The following EDIL3 variants were observed in gnomAD, a reference collection of about 807,000 sequenced individuals.
The protein encoded by EDIL3 is EGF like and discoidin domains 3, also known as EGF-like repeat and discoidin I-like domain-containing protein 3.
Under a neutral mutation model 67.4 loss-of-function variants are expected in EDIL3, and 37 were observed. That is an observed-to-expected ratio of 0.55 (90% CI 0.42 to 0.72). The LOEUF is 0.72. EDIL3 is among the 30% of genes least tolerant of loss of function. EDIL3 has a pLI of 0.00. For missense variants in EDIL3, 527 were observed against 586.3 expected, an observed-to-expected ratio of 0.90 and a Z score of 1.04; for synonymous variants, 195 against 196.3, an observed-to-expected ratio of 0.99 and a Z score of 0.05.
chr5:84,126,176 A>G (rs762777941), intron 5 of EDIL3, among the ~76,000 whole-genome samples: 1 of 152,078 alleles, frequency 6.6e-6, no homozygotes, highest in Non-Finnish European at 1.5e-5. Flanking sequence ...TTTTACTTAC[A>G]TGTTTTTATA....
chr5:84,199,390 G>A (rs988358922), intron 3 of EDIL3, among the ~76,000 whole-genome samples: 4 of 151,976 alleles, frequency 2.6e-5, no homozygotes, highest in African/African-American at 9.7e-5. Context: ...CCCAAAGTGA[G>A]CACCTTCTGG....
At chr5:84,174,798 T>A (rs1482361132) in intron 4 of EDIL3, among the ~76,000 whole-genome samples, 3 of 152,166 alleles carry the variant, frequency 2.0e-5, no homozygotes. Flanking sequence ...GGAAGAACAA[T>A]CTTTGCAGAG....
At chr5:84,003,937 G>A (rs1459616643) in intron 9 of EDIL3, among the ~76,000 whole-genome samples, 1 of 151,370 alleles carries the variant, frequency 6.6e-6, no homozygotes, top group African/African-American at 2.4e-5. Context: ...CATCTCACAT[G>A]CAATGAGAGA....
intron 1 of EDIL3, among the ~76,000 whole-genome samples, chr5:84,345,897 A>G: frequency 6.6e-6 from 1 of 152,110 alleles, no homozygotes; most frequent in Non-Finnish European, 1.5e-5. Context: ...CATATGGGAG[A>G]CTCTCACTCA....
chr5:84,135,578 G>C (rs753912723), intron 5 of EDIL3, among the ~76,000 whole-genome samples: 1 of 152,206 alleles, frequency 6.6e-6, no homozygotes, highest in African/African-American at 2.4e-5. Context: ...AACAGAAATG[G>C]ATGCAAGTGC....
At chr5:84,197,836 C>T (rs779133709) in intron 3 of EDIL3, among the ~76,000 whole-genome samples, 1 of 151,978 alleles carries the variant, frequency 6.6e-6, no homozygotes, top group East Asian at 1.9e-4. Context: ...AGAAGTTACA[C>T]TTTATGATAA....
chr5:84,075,551 C>T (rs1177506165), intron 6 of EDIL3, among the ~76,000 whole-genome samples: 2 of 152,020 alleles, frequency 1.3e-5, no homozygotes, highest in East Asian at 3.9e-4. Context: ...TCTCAGCTCA[C>T]TGCAAACTCC....
At chr5:84,314,536 G>T (rs1346372302) in intron 1 of EDIL3, among the ~76,000 whole-genome samples, 1 of 152,116 alleles carries the variant, frequency 6.6e-6, no homozygotes, top group African/African-American at 2.4e-5. Context: ...TAAGTTAAAA[G>T]GTTTCCTAGA....
chr5:83,998,435 G>A (rs1382372662), intron 9 of EDIL3, among the ~76,000 whole-genome samples: 1 of 152,136 alleles, frequency 6.6e-6, no homozygotes, highest in Non-Finnish European at 1.5e-5. Context: ...ATATCAGCAG[G>A]AGACAGGCAG....
intron 9 of EDIL3, among the ~76,000 whole-genome samples, chr5:84,056,353 G>T (rs1746447197): frequency 6.6e-6 from 1 of 152,020 alleles, no homozygotes; most frequent in Non-Finnish European, 1.5e-5. Context: ...TATACCATTA[G>T]GAGACATACC....
rs952200828 is a variant in EDIL3, at chr5:84,384,606, G to A, written c.-232C>T. ...TGCGCTCCGGCGCGCGGAGGTGGGTGAGCTCCGGGGAGCCGCCGGCGGGCT... is the reference window on the plus strand; with the variant it reads ...TGCGCTCCGGCGCGCGGAGGTGGGTAAGCTCCGGGGAGCCGCCGGCGGGCT... On this transcript the variant is annotated 5_prime_UTR_variant, in exon 1 of 11. Transcript: ENST00000296591. 6 of 344,858 alleles carry A rather than the reference G, an allele frequency of 1.7e-5. No individual in the cohort carries two copies. The highest frequency in any genetic ancestry group is 3.1e-5 in the Non-Finnish European group (6 of 192,848). 21.4% of individuals were successfully genotyped at this position (344,858 alleles called of 1,614,324 possible).
At chr5:84,025,033 C>T (rs189374722) in intron 9 of EDIL3, among the ~76,000 whole-genome samples, 4 of 152,144 alleles carry the variant, frequency 2.6e-5, no homozygotes, top group Admixed American at 2.6e-4. Flanking sequence ...TTCCCAGAAG[C>T]CCTCCAGTAG....
chr5:84,208,724 A>T (rs1168167104), intron 3 of EDIL3, among the ~76,000 whole-genome samples: 1 of 150,710 alleles, frequency 6.6e-6, no homozygotes, highest in Non-Finnish European at 1.5e-5. Context: ...GTCAGGAAAC[A>T]ACAGGTGCTA....
At chr5:84,093,731 C>G (rs541048446) in intron 6 of EDIL3, among the ~76,000 whole-genome samples, 1 of 148,770 alleles carries the variant, frequency 6.7e-6, no homozygotes, top group Non-Finnish European at 1.5e-5. Flanking sequence ...ACAGTCTCAG[C>G]TCACTGCAAC....
rs1748260096 is a variant in EDIL3 at position 84,144,556 on chromosome 5, C to T, written c.356-7202G>A. 3.3e-5 allele frequency among the ~76,000 whole-genome samples: 5 copies of T among 152,140 alleles called. No homozygotes were observed. In the South Asian group the frequency reaches 1.0e-3, roughly 32 times the overall value. ...GTTGAGTTTTAGAGAAGGAGTCTAG[C>T]TGACTAGGGAAAAGTGCTTTTGAAT... On this transcript the variant is annotated intron_variant, in intron 4 of 10. Coordinates refer to ENST00000296591, the MANE Select transcript of EDIL3 (RefSeq NM_005711.5).
chr5:83,981,131 C>T (rs1317320789), intron 9 of EDIL3, among the ~76,000 whole-genome samples: 1 of 152,030 alleles, frequency 6.6e-6, no homozygotes, highest in African/African-American at 2.4e-5. Flanking sequence ...CAGAAGCTGA[C>T]AAACTGATCC....
intron 9 of EDIL3, among the ~76,000 whole-genome samples, chr5:84,037,384 T>C (rs1433299472): frequency 6.6e-6 from 1 of 152,242 alleles, no homozygotes; most frequent in Admixed American, 6.5e-5. Context: ...GATTTACTCA[T>C]CTTTGGTTAG....
At chr5:84,058,482 G>C (rs1360384163) in intron 9 of EDIL3, among the ~76,000 whole-genome samples, 1 of 152,110 alleles carries the variant, frequency 6.6e-6, no homozygotes, top group Non-Finnish European at 1.5e-5. Context: ...TGGTAGCACT[G>C]GTGATAGAAG....
At chr5:84,209,285 T>G (rs1744064248) in intron 3 of EDIL3, among the ~76,000 whole-genome samples, 1 of 151,620 alleles carries the variant, frequency 6.6e-6, no homozygotes, top group African/African-American at 2.4e-5. Context: ...AAATGACGAG[T>G]TAATGGGTGC....
Sources: allele counts gnomAD v4.1 joint callset (sites outside exome capture counted in the v4.1 genomes callset), GRCh38; gene constraint gnomAD v4.1.1; transcripts MANE v1.5; gene names NCBI Gene and HGNC (gene_info 2026-07-23, HGNC 2026-07-21).